Variants in ST18 observed in about 807,000 individuals in gnomAD.
ST18 encodes ST18 C2H2C-type zinc finger transcription factor.
In ST18, 50 loss-of-function variants were observed where a neutral mutation model predicts 110.0. That is an observed-to-expected ratio of 0.45 (90% confidence interval 0.36 to 0.58). The LOEUF (loss-of-function observed/expected upper bound fraction) is 0.58. Among genes scored for constraint, ST18 ranks in the 20% least tolerant of loss-of-function variants. The probability of loss-of-function intolerance (pLI) is 0.00; values close to 1 mark genes in which losing one functional copy is unlikely to be tolerated. For synonymous variants in ST18, 461 were observed against 452.4 expected (o/e 1.02, Z -0.24); for missense variants, 1,306 against 1,280.1 (o/e 1.02, Z -0.31).
chr8:52,309,021 G>A (rs905615093), intron 2 of ST18, among the ~76,000 whole-genome samples: 1 of 152,190 alleles, frequency 6.6e-6, no homozygotes, highest in Non-Finnish European at 1.5e-5. Flanking sequence ...ACAAAACAGG[G>A]GAAGCCAAGG....
chr8:52,392,031 G>T (rs1002642966), intron 2 of ST18, among the ~76,000 whole-genome samples: 1 of 152,146 alleles, frequency 6.6e-6, no homozygotes, highest in African/African-American at 2.4e-5. Context: ...ATGACTAGCT[G>T]TTTAACCTCG....
chr8:52,270,985 A>G (rs1410935903), intron 2 of ST18, among the ~76,000 whole-genome samples: 1 of 149,988 alleles, frequency 6.7e-6, no homozygotes. Context: ...AAGCTCCTCC[A>G]CCTCCCAGGT....
intron 2 of ST18, among the ~76,000 whole-genome samples, chr8:52,268,535 C>CT (rs368720067): frequency 0.21 from 31,090 of 150,316 alleles, 3,796 homozygotes; most frequent in Middle Eastern, 0.38. Flanking sequence ...TACTATCTAT[C>CT]ATCTATCTAT....
intron 2 of ST18, among the ~76,000 whole-genome samples, chr8:52,305,795 C>G (rs1190022340): frequency 6.6e-6 from 1 of 152,216 alleles, no homozygotes; most frequent in Non-Finnish European, 1.5e-5. Flanking sequence ...CACCATGGTG[C>G]AAGCACTCAA....
intron 3 of ST18, among the ~76,000 whole-genome samples, chr8:52,225,205 C>T (rs1277887286): frequency 6.6e-6 from 1 of 152,198 alleles, no homozygotes; most frequent in Non-Finnish European, 1.5e-5. Flanking sequence ...ACCTATATTT[C>T]TCTCTGCAAG....
intron 8 of ST18, among the ~76,000 whole-genome samples, chr8:52,209,788 A>AAATATATAT (rs1554719674): frequency 1.9e-5 from 2 of 105,698 alleles, no homozygotes; most frequent in Non-Finnish European, 3.4e-5. Context: ...AAAAAAAAAA[A>AAATATATAT]ATATATATAT....
At chr8:52,142,658 C>T (rs530325460) in intron 17 of ST18, among the ~76,000 whole-genome samples, 1 of 152,262 alleles carries the variant, frequency 6.6e-6, no homozygotes, top group Admixed American at 6.5e-5. Flanking sequence ...AGAAGACAAC[C>T]CTTAGATCTG....
chr8:52,263,016 C>T (rs2094743963), intron 2 of ST18, among the ~76,000 whole-genome samples: 2 of 152,222 alleles, frequency 1.3e-5, no homozygotes, highest in African/African-American at 4.8e-5. Context: ...TGTGGAGCCA[C>T]CTCGACTGAA....
intron 2 of ST18, among the ~76,000 whole-genome samples, chr8:52,334,066 TG>T (rs1810913972): frequency 6.6e-6 from 1 of 152,224 alleles, no homozygotes; most frequent in African/African-American, 2.4e-5. Context: ...TGCAGTTTGA[TG>T]GCCCTGAGAA....
In ST18 at chr8:52,216,501, A is replaced by G. The variant is rs183203031; in HGVS notation, c.-1+1245T>C. Among the ~76,000 whole-genome samples the G allele has an allele frequency of 1.9e-3, 287 of 152,342 alleles. 1 individual carries two copies. The highest frequency in any genetic ancestry group is 6.1e-3 in the African/African-American group (255 of 41,582). On this transcript the variant is annotated intron_variant, in intron 6 of 25. Transcript: ENST00000689386. ...TGCAGGAGTGAAATGGATCAAGGCC[A>G]TAATATAAAACTCAACTGTTTCACT...
intron 2 of ST18, among the ~76,000 whole-genome samples, chr8:52,408,070 G>A (rs1288011417): frequency 5.3e-5 from 8 of 152,024 alleles, no homozygotes; most frequent in Admixed American, 5.2e-4. Context: ...CACAAACTAA[G>A]GACGCTGTCT....
intron 8 of ST18, among the ~76,000 whole-genome samples, chr8:52,189,504 G>C (rs1023502888): frequency 6.6e-6 from 1 of 152,148 alleles, no homozygotes; most frequent in Non-Finnish European, 1.5e-5. Flanking sequence ...AATGAAAATC[G>C]ATGATTCTTG....
In ST18 at chr8:52,197,273, C is replaced by T. The variant is rs114938445; in HGVS notation, c.86+14806G>A. 9.7e-3 allele frequency among the ~76,000 whole-genome samples: 1,482 copies of T among 152,296 alleles called. 26 individuals are homozygous for T. Among genetic ancestry groups the T allele is most frequent in the African/African-American group, 0.034 (1,400 of 41,550 alleles). ...AAGTTTATGTGAATTATCCAGACAA[C>T]TCTGGGTGTGTTGGGGAGGTTATTG... On this transcript the variant is annotated intron_variant, in intron 8 of 25. Transcript: ENST00000689386.
At chr8:52,236,743 G>A (rs1182960241) in intron 2 of ST18, among the ~76,000 whole-genome samples, 1 of 152,160 alleles carries the variant, frequency 6.6e-6, no homozygotes, top group African/African-American at 2.4e-5. Context: ...TTAGGGAATG[G>A]GAGCTTTTGT....
chr8:52,193,922 A>G (rs1301870608), intron 8 of ST18, among the ~76,000 whole-genome samples: 3 of 152,176 alleles, frequency 2.0e-5, no homozygotes, highest in Non-Finnish European at 4.4e-5. Flanking sequence ...CCTATTACTC[A>G]TGTCATAAAT....
rs768189726 is a variant in ST18 at position 52,161,537 on chromosome 8, A to T, written c.1432T>A (p.Phe478Ile). The T allele has an allele frequency of 6.2e-6, 10 of 1,614,056 alleles. No homozygotes were observed. In the African/African-American group the frequency reaches 1.3e-4, roughly 22 times the overall value. ...GGAGAGGTGATGGCTTGTGACGGGA[A>T]ATTGAATTCAATTTGCTTCACCAAA... Reference protein sequence around the residue: ...TSLVKQIEFNFPSQAITSPRA... With the variant: ...TSLVKQIEFNIPSQAITSPRA... Residue 478 changes from phenylalanine (F) to isoleucine (I), a missense_variant, in exon 14 of 26, where the codon TTC (phenylalanine) becomes ATC (isoleucine). Transcript: ENST00000689386.
At chr8:52,383,544 G>A (rs1473302558) in intron 2 of ST18, among the ~76,000 whole-genome samples, 1 of 151,212 alleles carries the variant, frequency 6.6e-6, no homozygotes, top group South Asian at 2.1e-4. Context: ...TGCCTCCCGG[G>A]TTCAACCAAT....
chr8:52,163,016 A>C (rs2061863842), intron 13 of ST18, among the ~76,000 whole-genome samples: 2 of 152,322 alleles, frequency 1.3e-5, no homozygotes, highest in African/African-American at 4.8e-5. Flanking sequence ...AAACAATATT[A>C]ATCTTTTAAG....
chr8:52,263,342 T>C (rs73681235), intron 2 of ST18, among the ~76,000 whole-genome samples: 8,592 of 152,166 alleles, frequency 0.056, 819 homozygotes, highest in African/African-American at 0.2. Flanking sequence ...AATGTTAAAA[T>C]AGATCTATAA....
Sources: gnomAD v4.1 joint callset for allele counts (sites outside exome capture counted in the v4.1 genomes callset) on GRCh38, gnomAD v4.1.1 for gene constraint, MANE v1.5 for transcripts, NCBI Gene and HGNC (gene_info 2026-07-23, HGNC 2026-07-21) for gene names.